SH3GL3: variants seen among roughly 807,000 people sequenced by gnomAD.
SH3GL3 encodes SH3 domain containing GRB2 like 3, endophilin A3, also known as endophilin-A3.
Under a neutral mutation model 47.7 loss-of-function variants are expected in SH3GL3, and 33 were observed. The observed-to-expected ratio is 0.69, with a 90% confidence interval of 0.52 to 0.92. SH3GL3 has a LOEUF of 0.92. SH3GL3 is among the 40% of genes least tolerant of loss of function. The pLI is 0.00. For synonymous variants in SH3GL3, 155 were observed against 148.8 expected (o/e 1.04, Z -0.30); for missense variants, 363 against 417.8 (o/e 0.87, Z 1.14).
chr15:83,618,174 A>T lies in SH3GL3; in HGVS notation c.931A>T (p.Ile311Phe). ...QGELGFKEGD[I>F]ITLTNQIDEN... is the part of the protein sequence containing the mutation. ...AGAATTAGGATTTAAAGAAGGGGAC[A>T]TCATTACATTAACCAATCAAATAGA... Residue 311 changes from isoleucine (I) to phenylalanine (F), a missense_variant, in exon 9 of 9, where the codon ATC (isoleucine) becomes TTC (phenylalanine). Physicochemically the swap from Ile to Phe is conservative, Grantham distance 21. Coordinates refer to ENST00000427482, the MANE Select transcript of SH3GL3 (RefSeq NM_003027.5). 6.2e-7 allele frequency: 1 copy of T among 1,610,296 alleles called. No individual in the cohort carries two copies. The highest frequency in any genetic ancestry group is 8.5e-7 in the Non-Finnish European group (1 of 1,176,410).
chr15:83,490,801 A>C, intron 1 of SH3GL3: 1 of 1,614,040 alleles, frequency 6.2e-7, no homozygotes, highest in Non-Finnish European at 8.5e-7. Flanking sequence ...TGTCATAAAC[A>C]TTGAGGACTC....
At chr15:83,604,162 A>G (rs1353572189) in intron 8 of SH3GL3, among the ~76,000 whole-genome samples, 1 of 152,132 alleles carries the variant, frequency 6.6e-6, no homozygotes, top group African/African-American at 2.4e-5. Context: ...AAAAAAAAAA[A>G]GAAGCTAGGT....
At chr15:83,589,753 T>C (rs191463334) in intron 8 of SH3GL3, among the ~76,000 whole-genome samples, 5 of 152,350 alleles carry the variant, frequency 3.3e-5, no homozygotes, top group African/African-American at 1.2e-4. Context: ...TATCACTGTT[T>C]CTTCGAGTTA....
intron 1 of SH3GL3, among the ~76,000 whole-genome samples, chr15:83,527,753 A>G (rs1049626000): frequency 6.6e-6 from 1 of 152,010 alleles, no homozygotes; most frequent in African/African-American, 2.4e-5. Flanking sequence ...TAATTTTGTT[A>G]ATTGTCATTT....
At position 83,487,203 on chromosome 15, in the gene SH3GL3, G is replaced by GTT. The variant is rs34332284; in HGVS notation, c.45+39640_45+39641dup. 2.4e-4 allele frequency among the ~76,000 whole-genome samples: 31 copies of GTT among 126,762 alleles called. No individual in the cohort carries two copies. The East Asian group carries it at 3.6e-3, about 15-fold the overall frequency. The allele number at this position is 126,762 out of a possible 152,430, so 83.2% of individuals were successfully genotyped here. ...TGAAGAATTTTTAACCGGTTTACCTGTTTTTTTTTTTTTTTTATCTTTCTT... is the reference window on the plus strand; with the variant it reads ...TGAAGAATTTTTAACCGGTTTACCTGTTTTTTTTTTTTTTTTTTATCTTTCTT... On this transcript the variant is annotated intron_variant, in intron 1 of 8. Coordinates refer to ENST00000427482, the MANE Select transcript of SH3GL3 (RefSeq NM_003027.5).
chr15:83,475,293 C>G (rs1048744580), intron 1 of SH3GL3, among the ~76,000 whole-genome samples: 7 of 151,890 alleles, frequency 4.6e-5, no homozygotes, highest in Admixed American at 1.3e-4. Flanking sequence ...GCTTCGCCAA[C>G]ATAGTAAAAC....
intron 1 of SH3GL3, among the ~76,000 whole-genome samples, chr15:83,457,012 A>G (rs980375664): frequency 1.2e-4 from 19 of 152,264 alleles, no homozygotes; most frequent in African/African-American, 3.9e-4. Flanking sequence ...CAATAAAAAT[A>G]TAGCTTACAA....
chr15:83,570,870 A>G (rs996651986), intron 4 of SH3GL3, among the ~76,000 whole-genome samples: 1 of 152,262 alleles, frequency 6.6e-6, no homozygotes, highest in Non-Finnish European at 1.5e-5. Flanking sequence ...CTCTGAAGGC[A>G]CATCAGTGAA....
At chr15:83,589,871 T>C (rs2060049276) in intron 8 of SH3GL3, among the ~76,000 whole-genome samples, 1 of 152,216 alleles carries the variant, frequency 6.6e-6, no homozygotes, top group Admixed American at 6.5e-5. Flanking sequence ...AGTTATTTGC[T>C]ACAGTGAGTA....
At chr15:83,476,794 G>GTGGT (rs1441044747) in intron 1 of SH3GL3, among the ~76,000 whole-genome samples, 7 of 152,322 alleles carry the variant, frequency 4.6e-5, no homozygotes, top group South Asian at 4.1e-4. Flanking sequence ...ATACTACTAT[G>GTGGT]TGGTCCCTAC....
intron 6 of SH3GL3, among the ~76,000 whole-genome samples, chr15:83,585,041 T>C (rs1368764065): frequency 6.6e-6 from 1 of 152,196 alleles, no homozygotes; most frequent in African/African-American, 2.4e-5. Flanking sequence ...TCAATGCTCA[T>C]GACCTGGGGG....
At chr15:83,617,136 A>G (rs997123532) in intron 8 of SH3GL3, among the ~76,000 whole-genome samples, 2 of 152,148 alleles carry the variant, frequency 1.3e-5, no homozygotes, top group Admixed American at 6.5e-5. Flanking sequence ...TTTTTTGTTT[A>G]CAATTAGCAT....
intron 1 of SH3GL3, among the ~76,000 whole-genome samples, chr15:83,530,938 A>G (rs1317691541): frequency 1.3e-5 from 2 of 152,218 alleles, no homozygotes; most frequent in Non-Finnish European, 2.9e-5. Context: ...AAAGAAAGAC[A>G]GCAAATAGTA....
the SH3GL3 span, among the ~76,000 whole-genome samples, chr15:83,628,070 G>T: frequency 2.6e-5 from 4 of 152,124 alleles, no homozygotes; most frequent in Admixed American, 2.6e-4. Flanking sequence ...TTACCACAGG[G>T]TTCAGGGCAC....
intron 1 of SH3GL3, among the ~76,000 whole-genome samples, chr15:83,479,414 C>G (rs560567490): frequency 6.6e-6 from 1 of 151,850 alleles, no homozygotes; most frequent in African/African-American, 2.4e-5. Context: ...GGGAGAGTGA[C>G]GGGGAGGAGA....
intron 8 of SH3GL3, among the ~76,000 whole-genome samples, chr15:83,598,483 G>C (rs564432688): frequency 6.6e-6 from 1 of 152,292 alleles, no homozygotes; most frequent in African/African-American, 2.4e-5. Flanking sequence ...ACCTTAAAAA[G>C]TCCTATTTTG....
intron 8 of SH3GL3, among the ~76,000 whole-genome samples, chr15:83,608,696 G>A (rs2060590013): frequency 6.6e-6 from 1 of 152,040 alleles, no homozygotes; most frequent in Admixed American, 6.5e-5. Flanking sequence ...AAATGAATTG[G>A]AACCAGAAAT....
chr15:83,532,774 C>T (rs988716953), intron 1 of SH3GL3, among the ~76,000 whole-genome samples: 5 of 152,134 alleles, frequency 3.3e-5, no homozygotes, highest in African/African-American at 1.2e-4. Flanking sequence ...TTGCAATTCT[C>T]GAAGCTTATT....
At chr15:83,463,767 C>CTTTCTT (rs1275377851) in intron 1 of SH3GL3, among the ~76,000 whole-genome samples, 9 of 122,914 alleles carry the variant, frequency 7.3e-5, no homozygotes, top group Admixed American at 2.8e-4. Flanking sequence ...TTCTTTCTTT[C>CTTTCTT]TTTTTTTTTT....
Sources: gnomAD v4.1 joint callset for allele counts (sites outside exome capture counted in the v4.1 genomes callset) on GRCh38, gnomAD v4.1.1 for gene constraint, MANE v1.5 for transcripts, NCBI Gene and HGNC (gene_info 2026-07-23, HGNC 2026-07-21) for gene names.